Variants in OLFM2 observed in about 807,000 individuals in gnomAD.
OLFM2 encodes the protein noelin-2.
OLFM2 carries 20 observed loss-of-function variants against 43.9 expected under a neutral mutation model. The observed-to-expected ratio is 0.46, with a 90% CI of 0.32 to 0.66. OLFM2 has a LOEUF of 0.66. Ranked by LOEUF, OLFM2 falls within the 30% of genes least tolerant of loss-of-function variation. The probability of loss-of-function intolerance (pLI) is 0.04; values close to 1 mark genes in which losing one functional copy is unlikely to be tolerated. For synonymous variants in OLFM2, 268 were observed against 278.6 expected (o/e 0.96, Z 0.38); for missense variants, 416 against 643.6 (o/e 0.65, Z 3.83).
chr19:9,869,045 G>A (rs1390656073), intron 1 of OLFM2, among the ~76,000 whole-genome samples: 1 of 142,098 alleles, frequency 7.0e-6, no homozygotes, highest in Non-Finnish European at 1.5e-5. Context: ...AGCCAGAAAC[G>A]AGGCTAAGAA....
chr19:9,860,587 C>T lies in OLFM2; in HGVS notation c.213+58G>A, dbSNP rs527857365. ...GGCTGACCTGGATGGGGCTGGAGGG[C>T]GGGGTGAGAACTGGGAGATTTTCCC... On this transcript the variant is annotated intron_variant, in intron 2 of 5. Transcript: ENST00000264833. 645 of 1,539,284 alleles carry T rather than the reference C, an allele frequency of 4.2e-4. 5 individuals carry two copies. The highest frequency in any genetic ancestry group is 4.1e-3 in the South Asian group (341 of 83,788).
At chr19:9,921,351 T>C (rs571878387) in intron 1 of OLFM2, among the ~76,000 whole-genome samples, 140 of 152,196 alleles carry the variant, frequency 9.2e-4, no homozygotes, top group African/African-American at 3.2e-3. Context: ...ACTCCTGGGC[T>C]CAAGCGATCC....
chr19:9,867,630 G>A (rs2046412681), intron 1 of OLFM2, among the ~76,000 whole-genome samples: 1 of 152,162 alleles, frequency 6.6e-6, no homozygotes. Flanking sequence ...GACTCTAAGT[G>A]GTTTACAAGG....
intron 1 of OLFM2, among the ~76,000 whole-genome samples, chr19:9,927,211 G>C (rs2086458913): frequency 6.6e-6 from 1 of 151,958 alleles, no homozygotes; most frequent in South Asian, 2.1e-4. Flanking sequence ...GAACCTGGGA[G>C]GGGAGGGTTG....
intron 1 of OLFM2, chr19:9,913,512 C>T (rs999955752): frequency 6.9e-6 from 8 of 1,163,422 alleles, no homozygotes; most frequent in Admixed American, 9.6e-5. Context: ...GCACGGGACA[C>T]GGTGCCGTTG....
intron 1 of OLFM2, among the ~76,000 whole-genome samples, chr19:9,897,226 G>A (rs2046693549): frequency 6.6e-6 from 1 of 152,016 alleles, no homozygotes; most frequent in African/African-American, 2.4e-5. Context: ...CTACTTGGGA[G>A]GCTGAGGCAG....
intron 1 of OLFM2, among the ~76,000 whole-genome samples, chr19:9,866,761 C>T (rs1018473102): frequency 3.1e-4 from 47 of 152,076 alleles, no homozygotes; most frequent in African/African-American, 1.1e-3. Flanking sequence ...TCCCAAAGTG[C>T]TGGAATTATA....
intron 1 of OLFM2, among the ~76,000 whole-genome samples, chr19:9,886,851 A>G (rs568510776): frequency 1.7e-4 from 26 of 150,204 alleles, no homozygotes; most frequent in Non-Finnish European, 2.7e-4. Flanking sequence ...CGCCTGGCTA[A>G]TTTTGTATTT....
chr19:9,933,538 G>A (rs2086497096), intron 1 of OLFM2, among the ~76,000 whole-genome samples: 1 of 131,478 alleles, frequency 7.6e-6, no homozygotes, highest in South Asian at 2.5e-4. Flanking sequence ...ATGCCCGACT[G>A]CTATCACTCT....
intron 1 of OLFM2, among the ~76,000 whole-genome samples, chr19:9,861,072 A>C (rs1048918565): frequency 6.6e-6 from 1 of 152,008 alleles, no homozygotes; most frequent in East Asian, 1.9e-4. Flanking sequence ...ATTTGCACGC[A>C]CACAACACTG....
intron 1 of OLFM2, among the ~76,000 whole-genome samples, chr19:9,882,706 T>TTAG (rs1443843487): frequency 6.6e-6 from 1 of 151,028 alleles, no homozygotes; most frequent in Non-Finnish European, 1.5e-5. Flanking sequence ...CCTCAGGAGT[T>TTAG]TGAGACCAGC....
rs2086516086 is a variant in OLFM2, at chr19:9,936,496, G to A, written c.-130C>T. Reference sequence around the variant, plus strand: ...GCGCCGCCGCCTCCCCCGCCTCGCCGGCGGCCGGGATTCCGCCCCACCCCC... The same window carrying A: ...GCGCCGCCGCCTCCCCCGCCTCGCCAGCGGCCGGGATTCCGCCCCACCCCC... On this transcript the variant is annotated 5_prime_UTR_variant, in exon 1 of 6. Coordinates refer to ENST00000264833, the MANE Select transcript of OLFM2 (RefSeq NM_058164.4). The A allele has an allele frequency of 1.6e-6, 1 of 617,782 alleles. No individual in the cohort carries two copies. The allele number at this position is 617,782 out of a possible 1,614,324, so 38.3% of individuals were successfully genotyped here. A position where few individuals can be genotyped will look rare whatever the true frequency, so the allele number is the denominator to read the frequency against.
Position 9,854,210 on chromosome 19 carries a change from G to T in OLFM2, c.1341C>A (p.Val447=). 1 of 1,614,140 alleles carries T rather than the reference G, an allele frequency of 6.2e-7. No homozygotes were observed. The highest frequency in any genetic ancestry group is 8.5e-7 in the Non-Finnish European group (1 of 1,180,026). ...CTCAGGGGTCCCCAGAGGTGCTGATGACGTGAAACAGGGTGACATTGTAGA... is the reference window on the plus strand; with the variant it reads ...CTCAGGGGTCCCCAGAGGTGCTGATTACGTGAAACAGGGTGACATTGTAGA... ...QVLYNVTLFH[V]ISTSGDP is the part of the protein sequence containing the mutation. Residue 447 remains valine (V), a synonymous_variant, in exon 6 of 6, where the codon GTC becomes GTA. Coordinates refer to ENST00000264833, the MANE Select transcript of OLFM2 (RefSeq NM_058164.4). This position sits in a 1 kb window ranked among gnomAD's most constrained non-coding sequence, Gnocchi z 9.5.
At chr19:9,920,741 C>CAAAAAAAAAAAAAAAAA (rs557455889) in intron 1 of OLFM2, among the ~76,000 whole-genome samples, 1 of 126,642 alleles carries the variant, frequency 7.9e-6, no homozygotes, top group African/African-American at 2.8e-5. Context: ...ACTAAACATA[C>CAAAAAAAAAAAAAAAAA]AAAAAAAAAA....
chr19:9,913,737 C>A, intron 1 of OLFM2: 3 of 978,514 alleles, frequency 3.1e-6, no homozygotes, highest in Non-Finnish European at 3.7e-6. Flanking sequence ...GGGGCACGAG[C>A]GCGAGCTGCG....
intron 1 of OLFM2, among the ~76,000 whole-genome samples, chr19:9,886,851 A>C (rs568510776): frequency 1.3e-5 from 2 of 150,322 alleles, no homozygotes; most frequent in South Asian, 4.2e-4. Flanking sequence ...CGCCTGGCTA[A>C]TTTTGTATTT....
intron 2 of OLFM2, chr19:9,858,251 CCT>C (rs1406870740): frequency 3.1e-6 from 1 of 327,694 alleles, no homozygotes; most frequent in Admixed American, 4.6e-5. Flanking sequence ...CAACCCACTT[CCT>C]CTCTCTTTGT....
intron 1 of OLFM2, among the ~76,000 whole-genome samples, chr19:9,871,881 G>A (rs919436508): frequency 1.4e-4 from 21 of 152,204 alleles, no homozygotes; most frequent in Admixed American, 1.0e-3. Context: ...GGATGCTGAT[G>A]AACCAGTGGG....
intron 1 of OLFM2, among the ~76,000 whole-genome samples, chr19:9,876,467 G>C (rs1054405992): frequency 3.3e-5 from 5 of 152,160 alleles, no homozygotes; most frequent in Non-Finnish European, 7.4e-5. Context: ...AGACAGCCAG[G>C]TACCAGGACT....
Sources: allele counts gnomAD v4.1 joint callset (sites outside exome capture counted in the v4.1 genomes callset), GRCh38; gene constraint gnomAD v4.1.1; non-coding constraint Gnocchi (gnomAD v3.1); transcripts MANE v1.5; gene names NCBI Gene and HGNC (gene_info 2026-07-23, HGNC 2026-07-21).